GAS7: variants seen among roughly 807,000 people sequenced by gnomAD.
GAS7 encodes the protein growth arrest-specific protein 7.
A neutral mutation model predicts 71.1 loss-of-function variants in GAS7; 28 were observed. That is an observed-to-expected ratio of 0.39 (90% CI 0.29 to 0.54). The LOEUF (loss-of-function observed/expected upper bound fraction) is 0.54, where lower values mean the gene tolerates loss of function less well. Among genes scored for constraint, GAS7 ranks in the 20% least tolerant of loss-of-function variants. The pLI is 0.62. For synonymous variants in GAS7, 258 were observed against 245.8 expected (o/e 1.05, Z -0.46); for missense variants, 436 against 627.8 (o/e 0.69, Z 3.27).
At chr17:10,157,533 A>C (rs567312966) in intron 1 of GAS7, among the ~76,000 whole-genome samples, 1 of 152,354 alleles carries the variant, frequency 6.6e-6, no homozygotes, top group East Asian at 1.9e-4. Context: ...TTAGAAGATA[A>C]GGCTTTGAGC....
chr17:10,058,270 A>AAAAAC (rs369716918), intron 1 of GAS7, among the ~76,000 whole-genome samples: 3 of 151,536 alleles, frequency 2.0e-5, no homozygotes, highest in African/African-American at 4.9e-5. Flanking sequence ...AAACAAAAAC[A>AAAAAC]AAAACAAAAC....
chr17:10,101,112 A>T (rs1287740365), intron 1 of GAS7, among the ~76,000 whole-genome samples: 1 of 151,662 alleles, frequency 6.6e-6, no homozygotes, highest in Non-Finnish European at 1.5e-5. Context: ...CAAAAACAAA[A>T]AAAACCAAAT....
chr17:9,980,248 C>G (rs1363485480), intron 3 of GAS7, among the ~76,000 whole-genome samples: 3 of 152,152 alleles, frequency 2.0e-5, no homozygotes, highest in Non-Finnish European at 4.4e-5. Flanking sequence ...AAGCAATATG[C>G]TTTGAATGTG....
In GAS7 at chr17:9,911,851, AG is replaced by A; in HGVS notation, c.*5376del. On this transcript the variant is annotated 3_prime_UTR_variant, in exon 14 of 14. Transcript: ENST00000432992. This position sits in a 1 kb window ranked among gnomAD's most constrained non-coding sequence, Gnocchi z 4.0. ...TCTCGGGACTCACCTTTCACTGAGC[AG>A]GGGGCATGAACAAGACACAGCTTAG... The A allele has an allele frequency of 4.3e-6, 1 of 231,708 alleles. No homozygotes were observed. Among genetic ancestry groups the A allele is most frequent in the Non-Finnish European group, 8.5e-6 (1 of 117,176 alleles). 14.4% of individuals were successfully genotyped at this position (231,708 alleles called of 1,614,324 possible).
chr17:9,934,953 CT>C (rs985186658), intron 8 of GAS7, among the ~76,000 whole-genome samples: 6 of 152,164 alleles, frequency 3.9e-5, no homozygotes, highest in Non-Finnish European at 7.3e-5. Context: ...CCAGGCCGGT[CT>C]CGAACTCCTG....
At chr17:9,927,673 C>T (rs901646563) in intron 9 of GAS7, among the ~76,000 whole-genome samples, 21 of 152,238 alleles carry the variant, frequency 1.4e-4, no homozygotes, top group Admixed American at 5.2e-4. Context: ...GACTGGGGTA[C>T]GCGGCTTCAG....
At chr17:10,082,183 C>A (rs2073464125) in intron 1 of GAS7, among the ~76,000 whole-genome samples, 1 of 152,272 alleles carries the variant, frequency 6.6e-6, no homozygotes, top group South Asian at 2.1e-4. Context: ...CATTGCTAAA[C>A]AGTATTTTGG....
rs76262374 is a variant in GAS7 at position 10,087,702 on chromosome 17, G to A, written c.184-67805C>T. Among the ~76,000 whole-genome samples the A allele has an allele frequency of 4.6e-5, 7 of 152,334 alleles. No homozygotes were observed. In the East Asian group the frequency reaches 7.7e-4, roughly 17 times the overall value. On this transcript the variant is annotated intron_variant, in intron 1 of 13. Transcript: ENST00000432992. Reference sequence around the variant, plus strand: ...CTGCAATGGGGTCCTGGGGGAGATTGAACATTTCTGAACTCTTTATCATAG... The same window carrying A: ...CTGCAATGGGGTCCTGGGGGAGATTAAACATTTCTGAACTCTTTATCATAG...
chr17:10,185,573 T>C (rs1041628574), intron 1 of GAS7, among the ~76,000 whole-genome samples: 1 of 152,158 alleles, frequency 6.6e-6, no homozygotes, highest in African/African-American at 2.4e-5. Flanking sequence ...CCAAGTTCTG[T>C]GAGCCATCCT....
intron 6 of GAS7, among the ~76,000 whole-genome samples, chr17:9,943,648 C>T (rs1039714594): frequency 6.6e-6 from 1 of 152,174 alleles, no homozygotes; most frequent in Non-Finnish European, 1.5e-5. Flanking sequence ...AGCAGGTACC[C>T]CCAGCCTTAA....
chr17:10,188,798 C>T (rs1014203050), intron 1 of GAS7, among the ~76,000 whole-genome samples: 3 of 152,046 alleles, frequency 2.0e-5, no homozygotes, highest in East Asian at 3.9e-4. Context: ...ACCATCACAC[C>T]CAGCTAATTT....
chr17:9,952,542 C>A (rs1202809255), intron 5 of GAS7, among the ~76,000 whole-genome samples: 2 of 152,144 alleles, frequency 1.3e-5, no homozygotes, highest in Admixed American at 6.5e-5. Flanking sequence ...CAGGTGCCTG[C>A]CACCATGCCC....
intron 1 of GAS7, among the ~76,000 whole-genome samples, chr17:10,184,481 TC>T (rs2074437907): frequency 6.6e-6 from 1 of 152,160 alleles, no homozygotes; most frequent in Non-Finnish European, 1.5e-5. Context: ...GTAAACTAAA[TC>T]CAATCTAATT....
chr17:9,992,598 A>T (rs1184998402), intron 2 of GAS7, among the ~76,000 whole-genome samples: 6 of 149,202 alleles, frequency 4.0e-5, no homozygotes, highest in African/African-American at 1.5e-4. Context: ...TATTTTTTTT[A>T]ATTAATTAAT....
chr17:10,112,107 C>T (rs1428176835), intron 1 of GAS7, among the ~76,000 whole-genome samples: 1 of 152,196 alleles, frequency 6.6e-6, no homozygotes, highest in Non-Finnish European at 1.5e-5. Flanking sequence ...GCTGTGCTGC[C>T]TGAGGGCATC....
intron 2 of GAS7, among the ~76,000 whole-genome samples, chr17:9,990,403 G>A (rs1433063072): frequency 1.3e-5 from 2 of 152,224 alleles, no homozygotes; most frequent in Non-Finnish European, 2.9e-5. Flanking sequence ...AAGGCAAAGG[G>A]TACAATGTCT....
intron 9 of GAS7, among the ~76,000 whole-genome samples, chr17:9,931,449 G>A (rs2068205368): frequency 6.6e-6 from 1 of 151,978 alleles, no homozygotes; most frequent in African/African-American, 2.4e-5. Flanking sequence ...TCCAAAGCTC[G>A]CAACTCTGGC....
chr17:10,058,147 G>A (rs529345398), intron 1 of GAS7, among the ~76,000 whole-genome samples: 2 of 152,280 alleles, frequency 1.3e-5, no homozygotes, highest in South Asian at 2.1e-4. Flanking sequence ...GAAAACCAGA[G>A]ACCCTTGTTC....
rs545124746 is a variant in GAS7 at position 9,928,776 on chromosome 17, T to C, written c.886-2007A>G. 3.3e-5 allele frequency among the ~76,000 whole-genome samples: 5 copies of C among 152,344 alleles called. No individual in the cohort carries two copies. In the South Asian group the frequency reaches 1.0e-3, roughly 32 times the overall value. On this transcript the variant is annotated intron_variant, in intron 9 of 13. Coordinates refer to ENST00000432992, the MANE Select transcript of GAS7 (RefSeq NM_201433.2). ...GAGCTCCAAGCGGGCAGGGGCCCCA[T>C]CTGGGTTGAGCACTGCTGTGCCCAG...
Sources: gnomAD v4.1 joint callset for allele counts (sites outside exome capture counted in the v4.1 genomes callset) on GRCh38, gnomAD v4.1.1 for gene constraint, Gnocchi (gnomAD v3.1) non-coding constraint, MANE v1.5 for transcripts, NCBI Gene and HGNC (gene_info 2026-07-23, HGNC 2026-07-21) for gene names.